Variants in PDE7B observed in about 807,000 individuals in gnomAD.
PDE7B encodes the protein 3',5'-cyclic-AMP phosphodiesterase 7B.
PDE7B carries 29 observed loss-of-function variants against 56.2 expected under a neutral mutation model. The ratio of observed to expected loss-of-function variants is 0.52; its 90% CI spans 0.38 to 0.70. The LOEUF is 0.70. PDE7B is among the 30% of genes least tolerant of loss of function. The probability of loss-of-function intolerance (pLI) is 0.00; values close to 1 mark genes in which losing one functional copy is unlikely to be tolerated. For missense variants in PDE7B, 490 were observed against 565.0 expected, an observed-to-expected ratio of 0.87 and a Z score of 1.35; for synonymous variants, 197 against 196.9, an observed-to-expected ratio of 1.00 and a Z score of 0.00.
At chr6:136,119,413 C>T (rs923150353) in intron 3 of PDE7B, among the ~76,000 whole-genome samples, 8 of 151,830 alleles carry the variant, frequency 5.3e-5, no homozygotes, top group African/African-American at 1.7e-4. Flanking sequence ...TTTCAATGTC[C>T]GCCAGAAAAA....
chr6:136,075,605 G>T (rs1258895235), intron 2 of PDE7B, among the ~76,000 whole-genome samples: 1 of 152,212 alleles, frequency 6.6e-6, no homozygotes, highest in African/African-American at 2.4e-5. Flanking sequence ...TCTGGGTGAA[G>T]TGTGGTTGCA....
chr6:136,022,732 C>T (rs1303882809), intron 2 of PDE7B, among the ~76,000 whole-genome samples: 1 of 152,092 alleles, frequency 6.6e-6, no homozygotes, highest in African/African-American at 2.4e-5. Context: ...GAAGGCTGGC[C>T]CTGCCCCAGA....
intron 2 of PDE7B, chr6:136,071,076 G>A (rs542989060): frequency 6.6e-6 from 1 of 152,234 alleles, no homozygotes; most frequent in East Asian, 1.9e-4. Flanking sequence ...CTCATCAGAA[G>A]CCTTGACTCC....
intron 3 of PDE7B, among the ~76,000 whole-genome samples, chr6:136,137,651 CTCAGA>C (rs1479248000): frequency 6.6e-6 from 1 of 152,066 alleles, no homozygotes; most frequent in African/African-American, 2.4e-5. Context: ...TTTCTTAAAT[CTCAGA>C]TATTTATTCT....
intron 2 of PDE7B, among the ~76,000 whole-genome samples, chr6:135,985,887 G>C (rs1275509362): frequency 6.6e-6 from 1 of 152,138 alleles, no homozygotes. Context: ...CGTGTTTTCT[G>C]TCTCCAGATC....
intron 6 of PDE7B, among the ~76,000 whole-genome samples, chr6:136,151,782 A>ATC (rs71006788): frequency 1.2e-3 from 176 of 151,116 alleles, no homozygotes; most frequent in South Asian, 2.7e-3. Flanking sequence ...AAAAATACAA[A>ATC]AAAAAAATTA....
chr6:135,984,710 G>A (rs1265721286), intron 2 of PDE7B, among the ~76,000 whole-genome samples: 3 of 152,128 alleles, frequency 2.0e-5, no homozygotes, highest in Non-Finnish European at 2.9e-5. Flanking sequence ...CTGGATCCTG[G>A]AATCACATAT....
intron 1 of PDE7B, among the ~76,000 whole-genome samples, chr6:135,853,915 C>T (rs1463957086): frequency 2.0e-5 from 3 of 152,138 alleles, no homozygotes; most frequent in Non-Finnish European, 4.4e-5. Context: ...GAATTTACTA[C>T]CTTTCATATA....
chr6:135,870,925 A>T (rs1336923048), intron 1 of PDE7B, among the ~76,000 whole-genome samples: 1 of 151,984 alleles, frequency 6.6e-6, no homozygotes, highest in Non-Finnish European at 1.5e-5. Context: ...ATGCATCCAC[A>T]TCTGGTTTTC....
intron 8 of PDE7B, among the ~76,000 whole-genome samples, chr6:136,163,277 G>A (rs1778739266): frequency 6.6e-6 from 1 of 152,192 alleles, no homozygotes. Flanking sequence ...CTTGACTTCT[G>A]TGCACCCACA....
At chr6:135,852,146 C>A in intron 1 of PDE7B, 127 bp downstream of exon 1, 1 of 711,736 alleles carries the variant, frequency 1.4e-6, no homozygotes, top group South Asian at 1.6e-5. Flanking sequence ...ATTGTTACTA[C>A]AGCAACCAGC....
chr6:135,950,575 G>C (rs1019175421), intron 2 of PDE7B, among the ~76,000 whole-genome samples: 1 of 152,088 alleles, frequency 6.6e-6, no homozygotes, highest in African/African-American at 2.4e-5. Flanking sequence ...GGACCAACCT[G>C]AGACATCCTC....
At chr6:136,037,983 T>A (rs1344142803) in intron 2 of PDE7B, 1 of 1,235,592 alleles carries the variant, frequency 8.1e-7, no homozygotes, top group African/African-American at 1.5e-5. Flanking sequence ...AAAAATGCAT[T>A]CTATCTCTAA....
chr6:135,909,498 C>T (rs1331377437), intron 1 of PDE7B, among the ~76,000 whole-genome samples: 1 of 151,972 alleles, frequency 6.6e-6, no homozygotes, highest in East Asian at 1.9e-4. Flanking sequence ...CCCAGCTTCT[C>T]CAGAGGCTGA....
At chr6:136,180,230 T>C (rs1255509068) in intron 10 of PDE7B, among the ~76,000 whole-genome samples, 1 of 152,214 alleles carries the variant, frequency 6.6e-6, no homozygotes, top group Non-Finnish European at 1.5e-5. Context: ...TCCTTATTTC[T>C]TTCCAAACTA....
chr6:136,008,846 C>T (rs1253016404), intron 2 of PDE7B, among the ~76,000 whole-genome samples: 25 of 152,128 alleles, frequency 1.6e-4, no homozygotes, highest in African/African-American at 6.0e-4. Context: ...TAATTAGATC[C>T]CATTTGTCAA....
At chr6:136,047,949 G>C (rs1776543674) in intron 2 of PDE7B, among the ~76,000 whole-genome samples, 2 of 152,206 alleles carry the variant, frequency 1.3e-5, no homozygotes, top group South Asian at 4.1e-4. Context: ...GAACGTAGAG[G>C]AAGAATCAAA....
chr6:136,108,576 T>C (rs1777692359), intron 2 of PDE7B, among the ~76,000 whole-genome samples, 155 bp from the exon 3 acceptor site: 1 of 152,196 alleles, frequency 6.6e-6, no homozygotes, highest in Non-Finnish European at 1.5e-5. Flanking sequence ...ACACTCAGTA[T>C]TAAATATTCC....
rs141412789 is a variant in PDE7B, at chr6:135,978,944, G to A, written c.82+31420G>A. 3.7e-3 allele frequency among the ~76,000 whole-genome samples: 557 copies of A among 151,984 alleles called. 13 individuals are homozygous for A. Among genetic ancestry groups the A allele is most frequent in the African/African-American group, 0.013 (523 of 41,316 alleles). On this transcript the variant is annotated intron_variant, in intron 2 of 12. Coordinates refer to ENST00000308191, the MANE Select transcript of PDE7B (RefSeq NM_018945.4). ...ATAGGAGTGGTGAGAGAGGGCATCCGTGTCTTGTGCCAGATTTCAAGGGAA... is the reference window on the plus strand; with the variant it reads ...ATAGGAGTGGTGAGAGAGGGCATCCATGTCTTGTGCCAGATTTCAAGGGAA...
Sources: gnomAD v4.1 joint callset for allele counts (sites outside exome capture counted in the v4.1 genomes callset) on GRCh38, gnomAD v4.1.1 for gene constraint, MANE v1.5 for transcripts, NCBI Gene and HGNC (gene_info 2026-07-23, HGNC 2026-07-21) for gene names.